The following NFAM1 variants were observed in gnomAD, a reference collection of about 807,000 sequenced individuals.
NFAM1 encodes the protein NFAT activation molecule 1.
NFAM1 carries 17 observed loss-of-function variants against 29.0 expected under a neutral mutation model. That is an observed-to-expected ratio of 0.59 (90% CI 0.40 to 0.88). The LOEUF (loss-of-function observed/expected upper bound fraction) is 0.88. NFAM1 is among the 40% of genes least tolerant of loss of function. NFAM1 has a pLI of 0.00. For synonymous variants in NFAM1, 175 were observed against 147.2 expected, an observed-to-expected ratio of 1.19 and a Z score of -1.36; for missense variants, 324 against 344.6, an observed-to-expected ratio of 0.94 and a Z score of 0.47.
chr22:42,415,544 C>T (rs938153980), intron 1 of NFAM1, among the ~76,000 whole-genome samples: 1 of 152,016 alleles, frequency 6.6e-6, no homozygotes, highest in African/African-American at 2.4e-5. Flanking sequence ...CGTGATCTGC[C>T]CACCTCGGCC....
intron 1 of NFAM1, among the ~76,000 whole-genome samples, chr22:42,416,881 T>C (rs989672357): frequency 6.6e-6 from 1 of 152,114 alleles, no homozygotes; most frequent in African/African-American, 2.4e-5. Flanking sequence ...GACTGGCTCA[T>C]GCAGCTGCCT....
chr22:42,395,001 T>C (rs1929469784), intron 4 of NFAM1, among the ~76,000 whole-genome samples: 1 of 151,810 alleles, frequency 6.6e-6, no homozygotes, highest in Non-Finnish European at 1.5e-5. Flanking sequence ...TAGTGAGACC[T>C]TGTCTCTACA....
At chr22:42,425,999 G>C (rs1432818100) in intron 1 of NFAM1, among the ~76,000 whole-genome samples, 2 of 152,180 alleles carry the variant, frequency 1.3e-5, no homozygotes, top group African/African-American at 4.8e-5. Flanking sequence ...CCTTGACAGA[G>C]AGTTTGGATG....
intron 5 of NFAM1, among the ~76,000 whole-genome samples, chr22:42,386,392 A>ACAC (rs1569224374): frequency 4.1e-5 from 2 of 48,978 alleles, no homozygotes; most frequent in Admixed American, 2.4e-4. Flanking sequence ...AACAAAAACA[A>ACAC]ACAAACACAC....
upstream of NFAM1, among the ~76,000 whole-genome samples, chr22:42,435,348 C>CT (rs10715028): frequency 8.8e-4 from 119 of 135,194 alleles, no homozygotes; most frequent in Middle Eastern, 3.7e-3. Flanking sequence ...TCTTTTCTTT[C>CT]TTTTTTTTTT....
upstream of NFAM1, among the ~76,000 whole-genome samples, chr22:42,433,378 G>A (rs146881760): frequency 6.4e-4 from 97 of 152,286 alleles, no homozygotes; most frequent in Middle Eastern, 3.4e-3. Context: ...AGATAAATGT[G>A]ATGATCCCAG....
At chr22:42,429,951 G>A (rs1930741841) in intron 1 of NFAM1, among the ~76,000 whole-genome samples, 1 of 152,194 alleles carries the variant, frequency 6.6e-6, no homozygotes, top group South Asian at 2.1e-4. Context: ...GAAGGGGGAT[G>A]CACAGGGGTA....
At chr22:42,415,150 A>G (rs6002728) in intron 1 of NFAM1, among the ~76,000 whole-genome samples, 5,873 of 152,150 alleles carry the variant, frequency 0.039, 131 homozygotes, top group South Asian at 0.048. Flanking sequence ...TCAGTCAATA[A>G]CAACGTCCAG....
Position 42,384,874 on chromosome 22 carries a change from G to A in NFAM1, c.*287C>T, listed in dbSNP as rs761333894. Reference sequence around the variant, plus strand: ...CTGGGCAAGGGTGGCATCCAGGAAAGCCCTTGAAGACTGAGGGGCGCTTTG... The same window carrying A: ...CTGGGCAAGGGTGGCATCCAGGAAAACCCTTGAAGACTGAGGGGCGCTTTG... On this transcript the variant is annotated 3_prime_UTR_variant, in exon 6 of 6. Coordinates refer to ENST00000329021, the MANE Select transcript of NFAM1 (RefSeq NM_145912.8). The A allele has an allele frequency of 1.4e-5, 7 of 514,110 alleles. No individual in the cohort carries two copies. The highest frequency in any genetic ancestry group is 2.5e-5 in the Non-Finnish European group (7 of 282,640). The allele number at this position is 514,110 out of a possible 1,614,324, so 31.8% of individuals were successfully genotyped here.
chr22:42,387,135 C>A (rs1278090892), intron 4 of NFAM1, 57 bp from the exon 5 acceptor site: 3 of 1,016,026 alleles, frequency 3.0e-6, no homozygotes, highest in Non-Finnish European at 4.4e-6. Flanking sequence ...CAGTCCCTGG[C>A]CCCAGCAGCC....
In NFAM1 at chr22:42,383,468, G is replaced by C. The variant is rs1232934686; in HGVS notation, c.*1693C>G. 1 of 152,744 alleles carries C rather than the reference G, an allele frequency of 6.5e-6. No homozygotes were observed. The allele number at this position is 152,744 out of a possible 1,614,324, so 9.5% of individuals were successfully genotyped here. A position where few individuals can be genotyped will look rare whatever the true frequency, so the allele number is the denominator to read the frequency against. On this transcript the variant is annotated 3_prime_UTR_variant, in exon 6 of 6. Coordinates refer to ENST00000329021, the MANE Select transcript of NFAM1 (RefSeq NM_145912.8). ...TCTGGGAGCAGGGGCCTTGCCACTC[G>C]GTTATGTGAGCCTGCTAAAGCCCTC... is the stretch of plus-strand genomic sequence containing the variant.
At chr22:42,415,953 G>C (rs1406992590) in intron 1 of NFAM1, among the ~76,000 whole-genome samples, 1 of 152,222 alleles carries the variant, frequency 6.6e-6, no homozygotes, top group Non-Finnish European at 1.5e-5. Context: ...AAGAGCCTGA[G>C]GCAGAAGGGC....
rs1398586330 is a variant in NFAM1, at chr22:42,419,092, C to T, written c.122-7356G>A. Among the ~76,000 whole-genome samples, 1 of 152,190 alleles carries T rather than the reference C, an allele frequency of 6.6e-6. No individual in the cohort carries two copies. The highest frequency in any genetic ancestry group is 1.5e-5 in the Non-Finnish European group (1 of 68,044). On this transcript the variant is annotated intron_variant, in intron 1 of 5. Coordinates refer to ENST00000329021, the MANE Select transcript of NFAM1 (RefSeq NM_145912.8). This position sits in a 1 kb window ranked among gnomAD's most constrained non-coding sequence, Gnocchi z 4.5. ...TATCCTCCCACACCTGGCGCGGGGA[C>T]CACATGCCGAGTGAGTCCCTGGCGG...
intron 3 of NFAM1, among the ~76,000 whole-genome samples, chr22:42,407,418 G>C (rs1304667217): frequency 6.6e-6 from 1 of 151,962 alleles, no homozygotes; most frequent in Non-Finnish European, 1.5e-5. Context: ...GCCCAGGCTG[G>C]AGTGCACTGG....
chr22:42,436,838 C>T, upstream of NFAM1: 1 of 240,608 alleles, frequency 4.2e-6, no homozygotes, highest in Non-Finnish European at 6.7e-6. Flanking sequence ...AGGGCTCCAG[C>T]TCCCGGGACC....
chr22:42,429,870 G>T (rs1930738791), intron 1 of NFAM1, among the ~76,000 whole-genome samples: 3 of 152,220 alleles, frequency 2.0e-5, no homozygotes, highest in Admixed American at 2.0e-4. Context: ...GGAGGGGCAA[G>T]ATTCCTTCCA....
intron 1 of NFAM1, among the ~76,000 whole-genome samples, chr22:42,413,390 C>T (rs940140407): frequency 2.0e-5 from 3 of 152,112 alleles, no homozygotes; most frequent in Non-Finnish European, 2.9e-5. Context: ...CTGGAAGATG[C>T]GGGAACAGAG....
chr22:42,423,975 G>C (rs1261521016), intron 1 of NFAM1, among the ~76,000 whole-genome samples: 1 of 151,942 alleles, frequency 6.6e-6, no homozygotes, highest in Non-Finnish European at 1.5e-5. Context: ...ATGTTGGCCA[G>C]TCTCAAACTC....
intron 1 of NFAM1, among the ~76,000 whole-genome samples, chr22:42,424,526 T>A (rs1328442428): frequency 6.6e-6 from 1 of 152,344 alleles, no homozygotes; most frequent in South Asian, 2.1e-4. Context: ...AGCTGAACAG[T>A]TCTGCCACCC....
Sources: gnomAD v4.1 joint callset for allele counts (sites outside exome capture counted in the v4.1 genomes callset) on GRCh38, gnomAD v4.1.1 for gene constraint, Gnocchi (gnomAD v3.1) non-coding constraint, MANE v1.5 for transcripts, NCBI Gene and HGNC (gene_info 2026-07-23, HGNC 2026-07-21) for gene names.